The following CDX1 variants were observed in gnomAD, a reference collection of about 807,000 sequenced individuals.
CDX1 encodes homeobox protein CDX-1.
In CDX1, 9 loss-of-function variants were observed where a neutral mutation model predicts 16.9. The ratio of observed to expected loss-of-function variants is 0.53; its 90% confidence interval spans 0.32 to 0.93. The LOEUF (loss-of-function observed/expected upper bound fraction) is 0.93, where lower values mean the gene tolerates loss of function less well. CDX1 is among the 40% of genes least tolerant of loss of function. The pLI, the probability that CDX1 is intolerant of heterozygous loss-of-function variation, is 0.04. For synonymous variants in CDX1, 179 were observed against 179.0 expected (o/e 1.00, Z 0.00); for missense variants, 393 against 386.1 (o/e 1.02, Z -0.15).
chr5:150,173,518 C>G (rs1761532744), intron 1 of CDX1, among the ~76,000 whole-genome samples: 1 of 152,236 alleles, frequency 6.6e-6, no homozygotes, highest in African/African-American at 2.4e-5. Context: ...CGTTCTTCCC[C>G]TCACCTCACC....
intron 1 of CDX1, among the ~76,000 whole-genome samples, chr5:150,172,114 G>T (rs970440362): frequency 1.3e-5 from 2 of 152,166 alleles, no homozygotes; most frequent in African/African-American, 2.4e-5. Context: ...CTCCGAGGCT[G>T]TCTCCTGTAG....
chr5:150,169,856 G>A (rs1188386653), intron 1 of CDX1, among the ~76,000 whole-genome samples: 1 of 151,800 alleles, frequency 6.6e-6, no homozygotes, highest in Non-Finnish European at 1.5e-5. Context: ...GACCACACAT[G>A]TAGACGAGGG....
At position 150,167,173 on chromosome 5, in the gene CDX1, C is replaced by T; in HGVS notation, c.297C>T (p.Ser99=). 3 of 1,279,862 alleles carry T rather than the reference C, an allele frequency of 2.3e-6. No homozygotes were observed. Among genetic ancestry groups the T allele is most frequent in the Non-Finnish European group, 2.9e-6 (3 of 1,019,114 alleles). The allele number at this position is 1,279,862 out of a possible 1,614,324, so 79.3% of individuals were successfully genotyped here. A position where few individuals can be genotyped will look rare whatever the true frequency, so the allele number is the denominator to read the frequency against. Residue 99 remains serine, a synonymous_variant, in exon 1 of 3, where the codon AGC becomes AGT. Transcript: ENST00000231656. ...CATTCGGGCCCCCTCCAGACTTTAGCCCGGTGCCGGCGCCCCCTGGGCCCG... is the reference window on the plus strand; with the variant it reads ...CATTCGGGCCCCCTCCAGACTTTAGTCCGGTGCCGGCGCCCCCTGGGCCCG... The part of the protein sequence containing the change: ...SLAFGPPPDF[S]PVPAPPGPGP...
At chr5:150,180,942 C>T (rs988219814) in intron 1 of CDX1, among the ~76,000 whole-genome samples, 4 of 152,308 alleles carry the variant, frequency 2.6e-5, no homozygotes, top group African/African-American at 4.8e-5. Context: ...TCCTGGGTTA[C>T]GGCAGCTCTC....
chr5:150,182,723 C>T, intron 1 of CDX1, 45 bp from the exon 2 acceptor site: 1 of 1,509,078 alleles, frequency 6.6e-7, no homozygotes, highest in Non-Finnish European at 8.8e-7. Context: ...TTTGTAGCCT[C>T]CTCCTCTCAA....
Position 150,183,826 on chromosome 5 carries a change from T to C in CDX1, c.*146T>C. 1.7e-6 allele frequency: 1 copy of C among 591,852 alleles called. No homozygotes were observed. Among genetic ancestry groups the C allele is most frequent in the South Asian group, 3.4e-5 (1 of 29,544 alleles). 36.7% of individuals were successfully genotyped at this position (591,852 alleles called of 1,614,324 possible). ...TCACCTATCCACCCTCTGCATCCCCTTGGCCCATCTGTGCAGTAAGCCTGT... is the reference window on the plus strand; with the variant it reads ...TCACCTATCCACCCTCTGCATCCCCCTGGCCCATCTGTGCAGTAAGCCTGT... On this transcript the variant is annotated 3_prime_UTR_variant, in exon 3 of 3. Transcript: ENST00000231656.
chr5:150,167,405 C>T lies in CDX1; in HGVS notation c.445+84C>T, dbSNP rs894138046. Reference sequence around the variant, plus strand: ...GGCCGCCCCCTGTCTGACCTCTGCTCCGGCCCTGCTCGGGTTCCCGGGAGT... The same window carrying T: ...GGCCGCCCCCTGTCTGACCTCTGCTTCGGCCCTGCTCGGGTTCCCGGGAGT... On this transcript the variant is annotated intron_variant, in intron 1 of 2. Transcript: ENST00000231656. 7 of 996,840 alleles carry T rather than the reference C, an allele frequency of 7.0e-6. No individual in the cohort carries two copies. The African/African-American group carries it at 8.4e-5, about 12-fold the overall frequency. 61.7% of individuals were successfully genotyped at this position (996,840 alleles called of 1,614,324 possible).
intron 1 of CDX1, among the ~76,000 whole-genome samples, chr5:150,170,610 G>A (rs981996887): frequency 1.3e-5 from 2 of 152,154 alleles, no homozygotes; most frequent in African/African-American, 4.8e-5. Context: ...AGCAGTTCAG[G>A]TCAATGGAAA....
rs139660828 is a variant in CDX1 at position 150,176,649 on chromosome 5, C to T, written c.446-6119C>T. 1.0e-3 allele frequency among the ~76,000 whole-genome samples: 152 copies of T among 152,232 alleles called. 2 individuals carry two copies. In the East Asian group the frequency reaches 0.027, roughly 27 times the overall value. On this transcript the variant is annotated intron_variant, in intron 1 of 2. Coordinates refer to ENST00000231656, the MANE Select transcript of CDX1 (RefSeq NM_001804.3). The stretch of plus-strand genomic sequence containing the variant: ...CAAAGGGCTCAAAACTGCAGAGTCT[C>T]GAGGGCACTTGGACTGGTGCACAGG...
rs148503219 is a variant in CDX1 at position 150,180,452 on chromosome 5, G to A, written c.446-2316G>A. 2.7e-3 allele frequency among the ~76,000 whole-genome samples: 415 copies of A among 152,330 alleles called. 4 individuals are homozygous for A. Among genetic ancestry groups the A allele is most frequent in the African/African-American group, 9.8e-3 (406 of 41,578 alleles). ...TCTGCTGCCTCCCATTCTCCACAAAGCCATTTGGCTCACGGAGAGCCCAGT... is the reference window on the plus strand; with the variant it reads ...TCTGCTGCCTCCCATTCTCCACAAAACCATTTGGCTCACGGAGAGCCCAGT... On this transcript the variant is annotated intron_variant, in intron 1 of 2. Coordinates refer to ENST00000231656, the MANE Select transcript of CDX1 (RefSeq NM_001804.3).
intron 1 of CDX1, among the ~76,000 whole-genome samples, chr5:150,171,854 C>G (rs1029526510): frequency 6.6e-6 from 1 of 152,234 alleles, no homozygotes; most frequent in Non-Finnish European, 1.5e-5. Context: ...TTTCTCGGAG[C>G]CTGGGCTGCT....
chr5:150,168,302 C>T (rs962018078), intron 1 of CDX1, among the ~76,000 whole-genome samples: 1 of 152,248 alleles, frequency 6.6e-6, no homozygotes, highest in Non-Finnish European at 1.5e-5. Context: ...CACCTCCTCG[C>T]ACTCTTCACC....
chr5:150,183,001 G>T, intron 2 of CDX1, 88 bp downstream of exon 2: 1 of 1,431,312 alleles, frequency 7.0e-7, no homozygotes, highest in Non-Finnish European at 9.4e-7. Flanking sequence ...CTCAGTAGAA[G>T]GAAAACAGAG....
At chr5:150,171,991 C>T (rs1276089749) in intron 1 of CDX1, among the ~76,000 whole-genome samples, 1 of 152,240 alleles carries the variant, frequency 6.6e-6, no homozygotes, top group East Asian at 1.9e-4. Flanking sequence ...CAGTCCTCAG[C>T]AGGTGCACTG....
At position 150,175,437 on chromosome 5, in the gene CDX1, T is replaced by C. The variant is rs1761556667; in HGVS notation, c.446-7331T>C. 3.3e-5 allele frequency among the ~76,000 whole-genome samples: 5 copies of C among 152,076 alleles called. No individual in the cohort carries two copies. In the South Asian group the frequency reaches 1.0e-3, roughly 32 times the overall value. ...GCCCTGGAGGAGGAGGGTGCAGAGATGATGAAGAACTCTAACTAGGAAGGA... is the reference window on the plus strand; with the variant it reads ...GCCCTGGAGGAGGAGGGTGCAGAGACGATGAAGAACTCTAACTAGGAAGGA... On this transcript the variant is annotated intron_variant, in intron 1 of 2. Coordinates refer to ENST00000231656, the MANE Select transcript of CDX1 (RefSeq NM_001804.3).
intron 1 of CDX1, among the ~76,000 whole-genome samples, chr5:150,169,016 C>T (rs1761470758): frequency 6.6e-6 from 1 of 152,172 alleles, no homozygotes; most frequent in Non-Finnish European, 1.5e-5. Context: ...CAGGATCCTG[C>T]AGTTCCCAGT....
chr5:150,167,822 C>A (rs968650753), intron 1 of CDX1, among the ~76,000 whole-genome samples: 3 of 152,228 alleles, frequency 2.0e-5, no homozygotes, highest in African/African-American at 7.2e-5. Context: ...GGGTCATATC[C>A]TTCAGGCTGA....
rs1324861986 is a variant in CDX1 at position 150,167,038 on chromosome 5, C to A, written c.162C>A (p.Ala54=). The stretch of plus-strand genomic sequence containing the variant: ...CCAGCTACTCTCACGTGGAGCCGGC[C>A]CCCGCGCCCCCGACGGCCTGGGGGG... ...DFSSYSHVEP[A]PAPPTAWGAP... Residue 54 remains alanine, a synonymous_variant, in exon 1 of 3, where the codon GCC becomes GCA. Transcript: ENST00000231656. The A allele has an allele frequency of 1.4e-6, 2 of 1,433,284 alleles. No homozygotes were observed. The allele number at this position is 1,433,284 out of a possible 1,614,324, so 88.8% of individuals were successfully genotyped here.
At chr5:150,173,740 T>G (rs1050978593) in intron 1 of CDX1, among the ~76,000 whole-genome samples, 4 of 152,232 alleles carry the variant, frequency 2.6e-5, no homozygotes, top group Non-Finnish European at 5.9e-5. Flanking sequence ...ATGCAAGATT[T>G]CTGTCCCCGG....
Sources: allele counts gnomAD v4.1 joint callset (sites outside exome capture counted in the v4.1 genomes callset), GRCh38; gene constraint gnomAD v4.1.1; transcripts MANE v1.5; gene names NCBI Gene and HGNC (gene_info 2026-07-23, HGNC 2026-07-21).